The following RFX2 variants were observed in gnomAD, a reference collection of about 807,000 sequenced individuals.
RFX2 encodes DNA-binding protein RFX2.
Under a neutral mutation model 87.8 loss-of-function variants are expected in RFX2, and 20 were observed. The ratio of observed to expected loss-of-function variants is 0.23; its 90% confidence interval spans 0.16 to 0.33. The LOEUF is 0.33. Among genes scored for constraint, RFX2 ranks in the 10% least tolerant of loss-of-function variants. The probability of loss-of-function intolerance (pLI) is 1.00; values close to 1 mark genes in which losing one functional copy is unlikely to be tolerated. For missense variants in RFX2, 767 were observed against 1,012.3 expected (o/e 0.76, Z 3.29); for synonymous variants, 397 against 431.3 (o/e 0.92, Z 0.98).
At chr19:6,106,609 C>T (rs16993388) in intron 1 of RFX2, among the ~76,000 whole-genome samples, 6,213 of 152,018 alleles carry the variant, frequency 0.041, 280 homozygotes, top group African/African-American at 0.11. Flanking sequence ...GCCCTGGACC[C>T]ATAGTTTCAG....
chr19:6,038,251 C>T (rs577811436), intron 5 of RFX2, among the ~76,000 whole-genome samples: 144 of 131,148 alleles, frequency 1.1e-3, no homozygotes, highest in Middle Eastern at 5.2e-3. Context: ...CGCTTGAACC[C>T]GGGAGGTGGA....
chr19:6,092,656 A>AG lies in RFX2; in HGVS notation c.-9+17736dup, dbSNP rs557268923. Among the ~76,000 whole-genome samples the AG allele has an allele frequency of 7.1e-4, 107 of 150,964 alleles. 1 individual carries two copies. Among genetic ancestry groups the AG allele is most frequent in the African/African-American group, 2.4e-3 (100 of 41,128 alleles). On this transcript the variant is annotated intron_variant, in intron 1 of 17. Transcript: ENST00000303657. ...AGCTCACGGTGACAGAATGAGGCTG[A>AG]GTCAGTCACACGTGGACTGTAGGAT...
Position 6,004,604 on chromosome 19 carries a change from T to C in RFX2, c.1403-306A>G, listed in dbSNP as rs377187014. On this transcript the variant is annotated intron_variant, in intron 12 of 17. Coordinates refer to ENST00000303657, the MANE Select transcript of RFX2 (RefSeq NM_000635.4). This position sits in a 1 kb window ranked among gnomAD's most constrained non-coding sequence, Gnocchi z 4.8. ...CAGGGTGCCTCAGGCATGGAGTGGGTGGAGGCTAGGGATGCTCCTCAGCAC... is the reference window on the plus strand; with the variant it reads ...CAGGGTGCCTCAGGCATGGAGTGGGCGGAGGCTAGGGATGCTCCTCAGCAC... Among the ~76,000 whole-genome samples, 1 of 151,690 alleles carries C rather than the reference T, an allele frequency of 6.6e-6. No individual in the cohort carries two copies. The highest frequency in any genetic ancestry group is 2.4e-5 in the African/African-American group (1 of 41,280).
At chr19:6,103,416 C>T (rs2088159357) in intron 1 of RFX2, among the ~76,000 whole-genome samples, 1 of 152,202 alleles carries the variant, frequency 6.6e-6, no homozygotes, top group Admixed American at 6.5e-5. Context: ...AACTGAGGTG[C>T]AGCAAGGCCA....
chr19:5,999,761 T>C lies in RFX2; in HGVS notation c.1859+2054A>G, dbSNP rs1349534545. On this transcript the variant is annotated intron_variant, in intron 15 of 17. Coordinates refer to ENST00000303657, the MANE Select transcript of RFX2 (RefSeq NM_000635.4). The surrounding 1 kb of genome is among the most constrained non-coding windows in gnomAD (Gnocchi z 4.1). ...CAGGAGAAAGGCAGGGCATGGGGCA[T>C]GCAAAGTGGGAAAGAATGGGCCGTC... is the stretch of plus-strand genomic sequence containing the variant. 6.6e-6 allele frequency among the ~76,000 whole-genome samples: 1 copy of C among 151,848 alleles called. No individual in the cohort carries two copies. The highest frequency in any genetic ancestry group is 1.5e-5 in the Non-Finnish European group (1 of 67,964).
Position 6,010,484 on chromosome 19 carries a change from T to C in RFX2, c.900-233A>G, listed in dbSNP as rs1489332941. Among the ~76,000 whole-genome samples, 1 of 152,218 alleles carries C rather than the reference T, an allele frequency of 6.6e-6. No individual in the cohort carries two copies. The highest frequency in any genetic ancestry group is 1.5e-5 in the Non-Finnish European group (1 of 68,036). On this transcript the variant is annotated intron_variant, in intron 8 of 17. Coordinates refer to ENST00000303657, the MANE Select transcript of RFX2 (RefSeq NM_000635.4). This position sits in a 1 kb window ranked among gnomAD's most constrained non-coding sequence, Gnocchi z 5.0. ...CCTCACCGTCGTCATCTCCAGAACT[T>C]GATCATCTTCCCACACTGAAGCTCT...
intron 5 of RFX2, among the ~76,000 whole-genome samples, chr19:6,029,398 G>A (rs944121523): frequency 4.6e-5 from 7 of 151,990 alleles, no homozygotes; most frequent in African/African-American, 1.7e-4. Flanking sequence ...AGGAAATCAT[G>A]TACAAAGCAC....
intron 1 of RFX2, among the ~76,000 whole-genome samples, chr19:6,084,793 C>T (rs1441366361): frequency 6.6e-6 from 1 of 152,074 alleles, no homozygotes; most frequent in African/African-American, 2.4e-5. Context: ...TGCCACCACG[C>T]CCGGCTAATT....
At chr19:5,995,298 C>T (rs1272868534) in intron 17 of RFX2, among the ~76,000 whole-genome samples, 2 of 152,156 alleles carry the variant, frequency 1.3e-5, no homozygotes, top group Non-Finnish European at 2.9e-5. Context: ...CCTGCCTGTC[C>T]CACTCTCCTG....
Position 6,007,103 on chromosome 19 carries a change from G to A in RFX2, c.1311C>T (p.Asp437=). Residue 437 remains aspartate (D), a synonymous_variant, in exon 12 of 18, where the codon GAC becomes GAT. Coordinates refer to ENST00000303657, the MANE Select transcript of RFX2 (RefSeq NM_000635.4). This position sits in a 1 kb window ranked among gnomAD's most constrained non-coding sequence, Gnocchi z 8.2. ...AGCTCCTCATCCACCTGAGGATGGG[G>A]TCGCACTGACACAGGGAGATAAGCT... ...KDKLISLCQC[D]PILRWMRSCD... 6.2e-7 allele frequency: 1 copy of A among 1,614,170 alleles called. No individual in the cohort carries two copies. Among genetic ancestry groups the A allele is most frequent in the South Asian group, 1.1e-5 (1 of 91,092 alleles).
intron 1 of RFX2, among the ~76,000 whole-genome samples, chr19:6,065,859 C>G (rs1599898159): frequency 1.3e-5 from 2 of 152,048 alleles, no homozygotes; most frequent in South Asian, 4.1e-4. Flanking sequence ...GTGTCTGTTA[C>G]AGGCGGCACT....
rs1054408128 is a variant in RFX2, at chr19:5,998,317, G to A, written c.1860-1104C>T. 2.6e-5 allele frequency among the ~76,000 whole-genome samples: 4 copies of A among 152,164 alleles called. No individual in the cohort carries two copies. Among genetic ancestry groups the A allele is most frequent in the Admixed American group, 1.3e-4 (2 of 15,266 alleles). On this transcript the variant is annotated intron_variant, in intron 15 of 17. Coordinates refer to ENST00000303657, the MANE Select transcript of RFX2 (RefSeq NM_000635.4). The surrounding 1 kb of genome is among the most constrained non-coding windows in gnomAD (Gnocchi z 4.2). ...AGCAACACTCCATCTCAAAAAAAAA[G>A]AATGAAGTGGAACAATGTCTCAGTC...
chr19:6,034,595 CA>C (rs1448643853), intron 5 of RFX2, among the ~76,000 whole-genome samples: 1 of 152,192 alleles, frequency 6.6e-6, no homozygotes, highest in Non-Finnish European at 1.5e-5. Context: ...CTCCCGGGCT[CA>C]GGTGATCCTC....
chr19:6,070,899 G>T (rs149768514), intron 1 of RFX2, among the ~76,000 whole-genome samples: 86 of 152,254 alleles, frequency 5.6e-4, no homozygotes, highest in Admixed American at 1.6e-3. Flanking sequence ...CAAACAAATT[G>T]TAGTAGCAAG....
rs1004638295 is a variant in RFX2, at chr19:6,010,651, C to G, written c.900-400G>C. 2.6e-5 allele frequency among the ~76,000 whole-genome samples: 4 copies of G among 152,206 alleles called. No homozygotes were observed. The highest frequency in any genetic ancestry group is 9.7e-5 in the African/African-American group (4 of 41,440). ...GGATTTGTCCTTTTGCAACTGGTCTCTCTCACTGAGCGTTATGTCCTCAAG... is the reference window on the plus strand; with the variant it reads ...GGATTTGTCCTTTTGCAACTGGTCTGTCTCACTGAGCGTTATGTCCTCAAG... On this transcript the variant is annotated intron_variant, in intron 8 of 17. Transcript: ENST00000303657. This position sits in a 1 kb window ranked among gnomAD's most constrained non-coding sequence, Gnocchi z 5.0.
rs1485093399 is a variant in RFX2 at position 6,017,732 on chromosome 19, C to A, written c.598-1461G>T. ...AGAGTGGGCAGTGCTGGGTCCTCAG[C>A]CCTCCCCCACCGGGCATGTTGGGCT... On this transcript the variant is annotated intron_variant, in intron 6 of 17. Transcript: ENST00000303657. This position sits in a 1 kb window ranked among gnomAD's most constrained non-coding sequence, Gnocchi z 4.1. Among the ~76,000 whole-genome samples the A allele has an allele frequency of 6.6e-6, 1 of 152,080 alleles. No homozygotes were observed. Among genetic ancestry groups the A allele is most frequent in the African/African-American group, 2.4e-5 (1 of 41,416 alleles).
chr19:6,002,526 G>A lies in RFX2; in HGVS notation c.1650+195C>T, dbSNP rs62107185. ...TGGCCACAGCGCCTGGACGCCAGAGGGCCCTGAGAGATGATGGAGTGGAGA... is the reference window on the plus strand; with the variant it reads ...TGGCCACAGCGCCTGGACGCCAGAGAGCCCTGAGAGATGATGGAGTGGAGA... On this transcript the variant is annotated intron_variant, in intron 14 of 17. Coordinates refer to ENST00000303657, the MANE Select transcript of RFX2 (RefSeq NM_000635.4). The surrounding 1 kb of genome is among the most constrained non-coding windows in gnomAD (Gnocchi z 6.7). Among the ~76,000 whole-genome samples, 8 of 152,210 alleles carry A rather than the reference G, an allele frequency of 5.3e-5. No homozygotes were observed. Among genetic ancestry groups the A allele is most frequent in the Non-Finnish European group, 1.0e-4 (7 of 68,046 alleles).
Position 6,010,089 on chromosome 19 carries a change from G to A in RFX2, c.1015+47C>T. ...TGCTGGTGTTGAAACCCAGGAGTGT[G>A]GCGAGCAGATGGGAGCCCCGCCCCC... On this transcript the variant is annotated intron_variant, in intron 9 of 17. Transcript: ENST00000303657. The surrounding 1 kb of genome is among the most constrained non-coding windows in gnomAD (Gnocchi z 5.0). The A allele has an allele frequency of 4.1e-6, 5 of 1,218,550 alleles. No homozygotes were observed. Among genetic ancestry groups the A allele is most frequent in the Non-Finnish European group, 5.9e-6 (5 of 853,204 alleles). 75.5% of individuals were successfully genotyped at this position (1,218,550 alleles called of 1,614,324 possible).
chr19:6,098,615 A>G (rs916995260), intron 1 of RFX2, among the ~76,000 whole-genome samples: 3 of 152,102 alleles, frequency 2.0e-5, no homozygotes, highest in Admixed American at 6.6e-5. Flanking sequence ...GGAGTGTTAT[A>G]GAGGGGTTAA....
Sources: allele counts gnomAD v4.1 joint callset (sites outside exome capture counted in the v4.1 genomes callset), GRCh38; gene constraint gnomAD v4.1.1; non-coding constraint Gnocchi (gnomAD v3.1); transcripts MANE v1.5; gene names NCBI Gene and HGNC (gene_info 2026-07-23, HGNC 2026-07-21).